The following MGA variants were observed in gnomAD, a reference collection of about 807,000 sequenced individuals.
MGA encodes the protein MAX dimerization protein MGA.
Under a neutral mutation model 261.1 loss-of-function variants are expected in MGA, and 40 were observed. The observed-to-expected ratio is 0.15, with a 90% CI of 0.12 to 0.20. MGA has a LOEUF of 0.20. Among genes scored for constraint, MGA ranks in the 10% least tolerant of loss-of-function variants. The probability of loss-of-function intolerance (pLI) is 1.00; values close to 1 mark genes in which losing one functional copy is unlikely to be tolerated. For missense variants in MGA, 3,397 were observed against 3,630.5 expected (o/e 0.94, Z 1.65); for synonymous variants, 1,302 against 1,290.6 (o/e 1.01, Z -0.19).
At chr15:41,735,758 A>G (rs1050947895) in intron 12 of MGA, among the ~76,000 whole-genome samples, 1 of 151,826 alleles carries the variant, frequency 6.6e-6, no homozygotes, top group South Asian at 2.1e-4. Context: ...TCAGAATACT[A>G]TTTTTCTTGC....
chr15:41,739,403 CAACAATGATTGTCTTAT>C (rs1202170238), intron 13 of MGA, among the ~76,000 whole-genome samples: 3 of 152,106 alleles, frequency 2.0e-5, no homozygotes, highest in African/African-American at 7.2e-5. Flanking sequence ...TAGGTTATTG[CAACAATGATTGTCTTAT>C]AACTTAAAGT....
chr15:41,659,307 T>C (rs1374440880), upstream of MGA, among the ~76,000 whole-genome samples: 1 of 152,184 alleles, frequency 6.6e-6, no homozygotes, highest in Admixed American at 6.5e-5. Context: ...TAGTGTTGGA[T>C]AAGCCTCCTT....
intron 1 of MGA, among the ~76,000 whole-genome samples, chr15:41,643,673 T>C (rs986472296): frequency 6.6e-6 from 1 of 152,188 alleles, no homozygotes; most frequent in African/African-American, 2.4e-5. Context: ...CTTTTCACTG[T>C]CTTAATAGTG....
intron 9 of MGA, among the ~76,000 whole-genome samples, chr15:41,720,383 A>G (rs2060876369): frequency 6.6e-6 from 1 of 152,112 alleles, no homozygotes; most frequent in African/African-American, 2.4e-5. Context: ...CTAAAAATAA[A>G]AAAAATTTTG....
chr15:41,760,211 A>G (rs1399349812), intron 19 of MGA, 112 bp from the exon 20 acceptor site: 15 of 975,412 alleles, frequency 1.5e-5, no homozygotes, highest in South Asian at 7.0e-5. Flanking sequence ...GGCTGTTACA[A>G]CAGTCCAGAC....
intron 21 of MGA, 105 bp downstream of exon 21, chr15:41,761,955 A>C: frequency 9.7e-7 from 1 of 1,035,998 alleles, no homozygotes; most frequent in Non-Finnish European, 1.4e-6. Flanking sequence ...TGGCTCCCAC[A>C]GTTTACAGCA....
In MGA at chr15:41,697,032, G is replaced by T. The variant is rs113617075; in HGVS notation, c.2013+9G>T. On this transcript the variant is annotated intron_variant, in intron 3 of 23. Transcript: ENST00000219905. ...TTTCCTTTGAATCAAAGGTAAGATT[G>T]TAATTTTCAGGATTCTTTAAGGCTA... 1.2e-3 allele frequency: 1,827 copies of T among 1,509,032 alleles called. 24 individuals carry two copies. The African/African-American group carries it at 0.023, about 19-fold the overall frequency. The allele number at this position is 1,509,032 out of a possible 1,614,324, so 93.5% of individuals were successfully genotyped here.
At chr15:41,673,543 T>TC (rs200080774) in intron 2 of MGA, among the ~76,000 whole-genome samples, 448 of 123,586 alleles carry the variant, frequency 3.6e-3, no homozygotes, top group South Asian at 0.016. Context: ...TTTCTTTCTT[T>TC]TTTTTTTTTT....
At chr15:41,704,126 A>G (rs539113404) in intron 5 of MGA, among the ~76,000 whole-genome samples, 1 of 152,080 alleles carries the variant, frequency 6.6e-6, no homozygotes, top group South Asian at 2.1e-4. Flanking sequence ...TTTAATGTTA[A>G]TTTCCTTTAT....
chr15:41,676,213 C>T (rs550977870), intron 2 of MGA, among the ~76,000 whole-genome samples: 19 of 151,826 alleles, frequency 1.3e-4, no homozygotes, highest in Non-Finnish European at 2.5e-4. Flanking sequence ...GACGAAGTCT[C>T]GCACTGTTGT....
At position 41,749,772 on chromosome 15, in the gene MGA, G is replaced by A; in HGVS notation, c.6165G>A (p.Gly2055=). 6.2e-7 allele frequency: 1 copy of A among 1,613,926 alleles called. No individual in the cohort carries two copies. Among genetic ancestry groups the A allele is most frequent in the Non-Finnish European group, 8.5e-7 (1 of 1,179,880 alleles). ...CATCTGAGCATTCCTGTATCACTGG[G>A]TCACATACAGATCAAGATTATAAAG... is the stretch of plus-strand genomic sequence containing the variant. The change falls in exon 17 of 24, where the codon GGG becomes GGA. Residue 2055 remains glycine, a synonymous_variant. Transcript: ENST00000219905.
At chr15:41,748,960 G>A in intron 16 of MGA, 33 bp downstream of exon 16, 4 of 1,602,040 alleles carry the variant, frequency 2.5e-6, no homozygotes, top group Non-Finnish European at 3.4e-6. Context: ...CTTTTCTTTT[G>A]TTGAATCACT....
intron 2 of MGA, among the ~76,000 whole-genome samples, chr15:41,680,978 A>G (rs2058640134): frequency 6.6e-6 from 1 of 152,156 alleles, no homozygotes; most frequent in African/African-American, 2.4e-5. Flanking sequence ...GGGGTCTACT[A>G]CAGGTCATGT....
intron 1 of MGA, among the ~76,000 whole-genome samples, chr15:41,631,147 A>G (rs1281252511): frequency 3.3e-5 from 5 of 152,340 alleles, no homozygotes; most frequent in African/African-American, 9.6e-5. Context: ...GTACTGTAGT[A>G]TAAATCAGGG....
chr15:41,698,837 TA>T lies in MGA; in HGVS notation c.2014-25del, dbSNP rs751401172. On this transcript the variant is annotated intron_variant, in intron 3 of 23. Coordinates refer to ENST00000219905, the MANE Select transcript of MGA (RefSeq NM_001164273.2). ...AGTTTTCAGAAGCAATATGAACTAC[TA>T]TTTTTTTTTTTTTTTGATGTATAGG... is the stretch of plus-strand genomic sequence containing the variant. The T allele has an allele frequency of 6.1e-4, 861 of 1,419,478 alleles. 3 individuals carry two copies. The African/African-American group carries it at 0.012, about 19-fold the overall frequency. 87.9% of individuals were successfully genotyped at this position (1,419,478 alleles called of 1,614,324 possible).
chr15:41,699,086 G>T lies in MGA; in HGVS notation c.2115G>T (p.Gln705His). The T allele has an allele frequency of 6.2e-7, 1 of 1,611,878 alleles. No homozygotes were observed. Among genetic ancestry groups the T allele is most frequent in the Non-Finnish European group, 8.5e-7 (1 of 1,178,944 alleles). Residue 705 changes from glutamine to histidine, a missense_variant, in exon 5 of 24, where the codon CAG (glutamine) becomes CAT (histidine). Gln to His is a conservative substitution (Grantham distance 24, BLOSUM62 0). Around this residue, in one of 9 missense-constraint regions of MGA, gnomAD observed 563 missense variants for 563.6 expected, o/e 1.00. Coordinates refer to ENST00000219905, the MANE Select transcript of MGA (RefSeq NM_001164273.2). ...TAGGTTACAGAGCAAGAATTTCCCA[G>T]TTGGAAAAGGAATTGATAGAAGATT...
At chr15:41,672,866 G>GCACACACACA (rs5812197) in intron 2 of MGA, among the ~76,000 whole-genome samples, 6,896 of 150,378 alleles carry the variant, frequency 0.046, 203 homozygotes, top group Non-Finnish European at 0.069. Context: ...ACATGCGTGT[G>GCACACACACA]CACACACACA....
chr15:41,657,048 G>A (rs1374883729), upstream of MGA, among the ~76,000 whole-genome samples: 7 of 152,078 alleles, frequency 4.6e-5, no homozygotes, highest in South Asian at 8.5e-4. Context: ...CCAAAGTGCT[G>A]GGATTACAGG....
chr15:41,685,903 G>A (rs1253717354), intron 2 of MGA, among the ~76,000 whole-genome samples: 1 of 151,872 alleles, frequency 6.6e-6, no homozygotes, highest in Non-Finnish European at 1.5e-5. Context: ...TACTCAGGAG[G>A]CTGAGGCAGG....
Sources: allele counts gnomAD v4.1 joint callset (sites outside exome capture counted in the v4.1 genomes callset), GRCh38; gene constraint gnomAD v4.1.1; regional missense constraint gnomAD v4.1.1; transcripts MANE v1.5; gene names NCBI Gene and HGNC (gene_info 2026-07-23, HGNC 2026-07-21).